The following CAMK1D variants were observed in gnomAD, a reference collection of about 807,000 sequenced individuals.
CAMK1D encodes calcium/calmodulin dependent protein kinase ID, also known as calcium/calmodulin-dependent protein kinase type 1D.
Under a neutral mutation model 47.7 loss-of-function variants are expected in CAMK1D, and 9 were observed. The observed-to-expected ratio is 0.19, with a 90% CI of 0.11 to 0.33. The LOEUF is 0.33. Among genes scored for constraint, CAMK1D ranks in the 10% least tolerant of loss-of-function variants. The probability of loss-of-function intolerance (pLI) is 1.00; values close to 1 mark genes in which losing one functional copy is unlikely to be tolerated. For synonymous variants in CAMK1D, 184 were observed against 184.9 expected (o/e 0.99, Z 0.04); for missense variants, 291 against 488.7 (o/e 0.60, Z 3.81).
chr10:12,580,317 T>A (rs964669754), intron 2 of CAMK1D, among the ~76,000 whole-genome samples: 1 of 150,768 alleles, frequency 6.6e-6, no homozygotes, highest in East Asian at 2.0e-4. Flanking sequence ...GACTAAAATA[T>A]GCCCCTCCCT....
At chr10:12,633,066 C>T (rs1588713052) in intron 2 of CAMK1D, among the ~76,000 whole-genome samples, 1 of 152,148 alleles carries the variant, frequency 6.6e-6, no homozygotes, top group African/African-American at 2.4e-5. Context: ...CCCCGTGAGG[C>T]CCCAGCAGGC....
At chr10:12,483,589 C>T (rs1180160635) in intron 1 of CAMK1D, among the ~76,000 whole-genome samples, 1 of 152,156 alleles carries the variant, frequency 6.6e-6, no homozygotes, top group Non-Finnish European at 1.5e-5. Flanking sequence ...ATCTCAAACT[C>T]CTGGCCTCAA....
chr10:12,424,010 C>T (rs557673121), intron 1 of CAMK1D, among the ~76,000 whole-genome samples: 82 of 152,316 alleles, frequency 5.4e-4, no homozygotes, highest in Non-Finnish European at 8.8e-4. Context: ...CCACCCATCT[C>T]GCCGTCTTTG....
rs2131142387 is a variant in CAMK1D, at chr10:12,830,159, G to T, written c.*1272G>T. 6.6e-6 allele frequency: 1 copy of T among 152,316 alleles called. No homozygotes were observed. The highest frequency in any genetic ancestry group is 2.1e-4 in the South Asian group (1 of 4,806). 9.4% of individuals were successfully genotyped at this position (152,316 alleles called of 1,614,324 possible). On this transcript the variant is annotated 3_prime_UTR_variant, in exon 11 of 11. Transcript: ENST00000619168. ...ACGAGAGCTAACAGATGAAAGCTCAGCTATGCAGTGTTAAAATTCATCTCT... is the reference window on the plus strand; with the variant it reads ...ACGAGAGCTAACAGATGAAAGCTCATCTATGCAGTGTTAAAATTCATCTCT...
chr10:12,656,029 G>C (rs889883598), intron 2 of CAMK1D, among the ~76,000 whole-genome samples: 5 of 152,320 alleles, frequency 3.3e-5, no homozygotes, highest in Middle Eastern at 3.4e-3. Context: ...TTCATTGATT[G>C]TTAGAGTTGG....
At chr10:12,489,140 G>A (rs1000856594) in intron 1 of CAMK1D, among the ~76,000 whole-genome samples, 1 of 152,122 alleles carries the variant, frequency 6.6e-6, no homozygotes, top group Admixed American at 6.5e-5. Flanking sequence ...GAGTTTCACT[G>A]TGTTAGCCAG....
intron 1 of CAMK1D, among the ~76,000 whole-genome samples, chr10:12,484,623 T>C (rs1588540108): frequency 6.6e-6 from 1 of 151,698 alleles, no homozygotes; most frequent in African/African-American, 2.4e-5. Context: ...GCGGGGAGGG[T>C]GAGCTCATTC....
At chr10:12,649,946 G>A (rs1839913836) in intron 2 of CAMK1D, among the ~76,000 whole-genome samples, 2 of 152,194 alleles carry the variant, frequency 1.3e-5, no homozygotes, top group South Asian at 4.1e-4. Context: ...TCCAAGCAGG[G>A]TTTCCCAGGA....
intron 1 of CAMK1D, among the ~76,000 whole-genome samples, chr10:12,375,837 G>A (rs1198788450): frequency 6.6e-6 from 1 of 152,002 alleles, no homozygotes; most frequent in African/African-American, 2.4e-5. Context: ...TGCAGTTTTA[G>A]GACTTTTGGT....
intron 3 of CAMK1D, among the ~76,000 whole-genome samples, chr10:12,739,744 G>GTA (rs1463789952): frequency 1.3e-5 from 2 of 152,088 alleles, no homozygotes; most frequent in Admixed American, 6.5e-5. Context: ...TACTGAGCAT[G>GTA]TACTACTTGT....
At chr10:12,384,697 C>T (rs150281905) in intron 1 of CAMK1D, among the ~76,000 whole-genome samples, 54 of 152,128 alleles carry the variant, frequency 3.5e-4, no homozygotes, top group African/African-American at 1.3e-3. Context: ...CAAAATGGAT[C>T]AGTGACCTAA....
chr10:12,801,452 C>G (rs868407976), intron 6 of CAMK1D, among the ~76,000 whole-genome samples: 10 of 150,888 alleles, frequency 6.6e-5, no homozygotes, highest in African/African-American at 2.4e-4. Flanking sequence ...TCCATCCATT[C>G]ATCTATCTAT....
At chr10:12,674,617 T>TTTTTTTTTTC (rs398012836) in intron 3 of CAMK1D, among the ~76,000 whole-genome samples, 2 of 145,242 alleles carry the variant, frequency 1.4e-5, no homozygotes, top group Non-Finnish European at 3.0e-5. Flanking sequence ...TTTTTTTTTT[T>TTTTTTTTTTC]CAGAATTCTG....
intron 1 of CAMK1D, among the ~76,000 whole-genome samples, chr10:12,531,255 T>C (rs185909485): frequency 1.9e-4 from 29 of 152,328 alleles, no homozygotes; most frequent in African/African-American, 5.5e-4. Context: ...GATATGCTGA[T>C]AACTTGTTTG....
At chr10:12,699,246 A>G (rs1460625030) in intron 3 of CAMK1D, among the ~76,000 whole-genome samples, 1 of 152,176 alleles carries the variant, frequency 6.6e-6, no homozygotes, top group African/African-American at 2.4e-5. Flanking sequence ...CAGCAAGCAA[A>G]ATGCCTTGAG....
At chr10:12,522,250 GA>G (rs1173004493) in intron 1 of CAMK1D, among the ~76,000 whole-genome samples, 123 of 144,080 alleles carry the variant, frequency 8.5e-4, no homozygotes, top group Non-Finnish European at 1.6e-3. Flanking sequence ...CGCAGAGGGG[GA>G]TTTGGCAGGG....
chr10:12,635,736 G>GA (rs952660337), intron 2 of CAMK1D, among the ~76,000 whole-genome samples: 8 of 152,142 alleles, frequency 5.3e-5, no homozygotes, highest in African/African-American at 1.9e-4. Context: ...TCTGCAGTGC[G>GA]AAAAGGGGGT....
At chr10:12,745,718 T>C (rs908856647) in intron 3 of CAMK1D, among the ~76,000 whole-genome samples, 1 of 151,960 alleles carries the variant, frequency 6.6e-6, no homozygotes, top group Non-Finnish European at 1.5e-5. Flanking sequence ...TTCTCCTGTC[T>C]CGGCCTCCCG....
At chr10:12,427,058 C>T (rs903789345) in intron 1 of CAMK1D, among the ~76,000 whole-genome samples, 1 of 151,832 alleles carries the variant, frequency 6.6e-6, no homozygotes, top group African/African-American at 2.4e-5. Flanking sequence ...CTATATTGCC[C>T]AGACTGGTCT....
Sources: allele counts gnomAD v4.1 joint callset (sites outside exome capture counted in the v4.1 genomes callset), GRCh38; gene constraint gnomAD v4.1.1; transcripts MANE v1.5; gene names NCBI Gene and HGNC (gene_info 2026-07-23, HGNC 2026-07-21).